TAF3: variants seen among roughly 807,000 people sequenced by gnomAD.
The protein encoded by TAF3 is TATA-box binding protein associated factor 3.
Under a neutral mutation model 80.6 loss-of-function variants are expected in TAF3, and 7 were observed. The ratio of observed to expected loss-of-function variants is 0.09; its 90% confidence interval spans 0.05 to 0.16. TAF3 has a LOEUF of 0.16. TAF3 is among the 10% of genes least tolerant of loss of function. TAF3 has a pLI of 1.00. For synonymous variants in TAF3, 444 were observed against 446.1 expected, an observed-to-expected ratio of 1.00 and a Z score of 0.06; for missense variants, 921 against 1,140.2, an observed-to-expected ratio of 0.81 and a Z score of 2.77.
At chr10:7,892,644 A>T (rs188625848) in intron 2 of TAF3, among the ~76,000 whole-genome samples, 9 of 152,246 alleles carry the variant, frequency 5.9e-5, no homozygotes, top group Admixed American at 5.2e-4. Flanking sequence ...TCTGCTGTAA[A>T]GTTTGGGTTG....
chr10:7,905,250 C>T (rs1189288621), intron 2 of TAF3, among the ~76,000 whole-genome samples: 2 of 152,136 alleles, frequency 1.3e-5, no homozygotes, highest in African/African-American at 4.8e-5. Context: ...AGAGATGAAG[C>T]GGTAAACAGA....
At chr10:7,834,984 A>G (rs1836837418) in intron 2 of TAF3, among the ~76,000 whole-genome samples, 1 of 152,182 alleles carries the variant, frequency 6.6e-6, no homozygotes, top group African/African-American at 2.4e-5. Flanking sequence ...AAGATAGAAC[A>G]TTATAGGTTC....
At chr10:7,915,999 A>G (rs1404427275) in intron 2 of TAF3, among the ~76,000 whole-genome samples, 2 of 151,812 alleles carry the variant, frequency 1.3e-5, no homozygotes, top group African/African-American at 4.8e-5. Context: ...AAAAAAAACC[A>G]TGTAGTTTTT....
intron 2 of TAF3, among the ~76,000 whole-genome samples, chr10:7,895,727 C>G (rs1837498348): frequency 6.6e-6 from 1 of 152,026 alleles, no homozygotes; most frequent in African/African-American, 2.4e-5. Flanking sequence ...TGTGTGGCCT[C>G]TATCTACAGT....
intron 2 of TAF3, among the ~76,000 whole-genome samples, chr10:7,963,717 G>A (rs1000285589): frequency 8.5e-5 from 13 of 152,126 alleles, no homozygotes; most frequent in Admixed American, 2.6e-4. Flanking sequence ...TAAATGATGA[G>A]TTGATGGGTG....
At chr10:7,953,514 T>C (rs918122811) in intron 2 of TAF3, among the ~76,000 whole-genome samples, 2 of 152,146 alleles carry the variant, frequency 1.3e-5, no homozygotes, top group African/African-American at 4.8e-5. Context: ...GGAGGTGAAA[T>C]GGGCTGTGCT....
intron 2 of TAF3, among the ~76,000 whole-genome samples, chr10:7,945,656 C>T (rs1838017778): frequency 6.6e-6 from 1 of 152,064 alleles, no homozygotes; most frequent in African/African-American, 2.4e-5. Flanking sequence ...GTCCCAGCAG[C>T]AAGGGTGTGC....
At chr10:7,912,861 C>T (rs1837670012) in intron 2 of TAF3, among the ~76,000 whole-genome samples, 1 of 152,120 alleles carries the variant, frequency 6.6e-6, no homozygotes, top group Non-Finnish European at 1.5e-5. Flanking sequence ...CCCCGGAATC[C>T]CTTATGCTGG....
At position 7,993,573 on chromosome 10, in the gene TAF3, G is replaced by A. The variant is rs538486926; in HGVS notation, c.2316-15505G>A. Among the ~76,000 whole-genome samples the A allele has an allele frequency of 3.3e-5, 5 of 152,212 alleles. No individual in the cohort carries two copies. The South Asian group carries it at 1.0e-3, about 32-fold the overall frequency. On this transcript the variant is annotated intron_variant, in intron 4 of 6. Transcript: ENST00000344293. ...TCTGGATTTGTCTGTTTACTTCTTC[G>A]TAGTGTCATTTAAATTATTGTTCTA...
chr10:7,837,927 A>G (rs997860404), intron 2 of TAF3, among the ~76,000 whole-genome samples: 3 of 152,240 alleles, frequency 2.0e-5, no homozygotes, highest in East Asian at 1.9e-4. Flanking sequence ...AGATATTTGC[A>G]TGGCTTTCAG....
intron 2 of TAF3, among the ~76,000 whole-genome samples, chr10:7,879,442 T>C (rs1176706341): frequency 6.6e-6 from 1 of 152,210 alleles, no homozygotes; most frequent in African/African-American, 2.4e-5. Flanking sequence ...TGAAATGAAA[T>C]AATGACACCC....
At chr10:7,837,893 G>A (rs1325081527) in intron 2 of TAF3, among the ~76,000 whole-genome samples, 1 of 152,204 alleles carries the variant, frequency 6.6e-6, no homozygotes, top group East Asian at 1.9e-4. Flanking sequence ...ATTACTTACT[G>A]ATTTAATAGA....
intron 2 of TAF3, among the ~76,000 whole-genome samples, chr10:7,937,733 G>A (rs549564807): frequency 3.6e-4 from 55 of 152,326 alleles, no homozygotes; most frequent in Admixed American, 1.2e-3. Flanking sequence ...AATAGTCACA[G>A]CACCTAACAT....
chr10:7,820,208 A>G (rs1836677347), intron 1 of TAF3, among the ~76,000 whole-genome samples: 1 of 152,208 alleles, frequency 6.6e-6, no homozygotes, highest in Non-Finnish European at 1.5e-5. Context: ...CACTTGCTCT[A>G]GGGAACTCAT....
Position 8,009,391 on chromosome 10 carries a change from G to T in TAF3, c.2568+61G>T. On this transcript the variant is annotated intron_variant, in intron 5 of 6. Transcript: ENST00000344293. This position sits in a 1 kb window ranked among gnomAD's most constrained non-coding sequence, Gnocchi z 4.1. ...CGTTTTCAGATCGAGACAAGTGTGT[G>T]CTCTGAATCACTATCGAATTTCAGA... 1.3e-6 allele frequency: 2 copies of T among 1,514,576 alleles called. No individual in the cohort carries two copies. Among genetic ancestry groups the T allele is most frequent in the South Asian group, 2.4e-5 (2 of 82,756 alleles). The allele number at this position is 1,514,576 out of a possible 1,614,324, so 93.8% of individuals were successfully genotyped here.
intron 5 of TAF3, 36 bp from the exon 6 acceptor site, chr10:8,013,695 C>G: frequency 6.4e-7 from 1 of 1,570,852 alleles, no homozygotes; most frequent in South Asian, 1.1e-5. Context: ...TTTCCCATTC[C>G]CTCCATTTTT....
intron 2 of TAF3, among the ~76,000 whole-genome samples, chr10:7,866,026 C>G (rs999992278): frequency 6.6e-6 from 1 of 152,214 alleles, no homozygotes; most frequent in Non-Finnish European, 1.5e-5. Context: ...TAGCTCTTTC[C>G]TGTTGGTGGG....
chr10:7,886,450 T>C (rs111612736), intron 2 of TAF3, among the ~76,000 whole-genome samples: 53 of 152,362 alleles, frequency 3.5e-4, no homozygotes, highest in African/African-American at 1.1e-3. Context: ...TAACTATTTT[T>C]TTCTTTACAC....
chr10:7,955,787 G>A (rs1167968280), intron 2 of TAF3, among the ~76,000 whole-genome samples: 1 of 152,200 alleles, frequency 6.6e-6, no homozygotes, highest in Non-Finnish European at 1.5e-5. Context: ...TAGAAAAGAA[G>A]CATGTTTTTC....
Sources: gnomAD v4.1 joint callset for allele counts (sites outside exome capture counted in the v4.1 genomes callset) on GRCh38, gnomAD v4.1.1 for gene constraint, Gnocchi (gnomAD v3.1) non-coding constraint, MANE v1.5 for transcripts, NCBI Gene and HGNC (gene_info 2026-07-23, HGNC 2026-07-21) for gene names.